Variants in RBL1 observed in about 807,000 individuals in gnomAD.
RBL1 encodes the protein RB transcriptional corepressor like 1.
In RBL1, 82 loss-of-function variants were observed where a neutral mutation model predicts 123.0. The observed-to-expected ratio is 0.67, with a 90% confidence interval of 0.56 to 0.80. The LOEUF is 0.80. Ranked by LOEUF, RBL1 falls within the 30% of genes least tolerant of loss-of-function variation. The probability of loss-of-function intolerance (pLI) is 0.00; values close to 1 mark genes in which losing one functional copy is unlikely to be tolerated. For synonymous variants in RBL1, 405 were observed against 441.3 expected (o/e 0.92, Z 1.03); for missense variants, 1,171 against 1,299.6 (o/e 0.90, Z 1.52).
intron 9 of RBL1, among the ~76,000 whole-genome samples, chr20:37,060,166 C>CTGTCTCAA (rs1015451731): frequency 1.2e-4 from 17 of 143,992 alleles, no homozygotes; most frequent in Non-Finnish European, 2.0e-4. Context: ...GAGTGAAACT[C>CTGTCTCAA]TGTCTCAAAA....
intron 21 of RBL1, among the ~76,000 whole-genome samples, chr20:37,000,016 T>C (rs1030762673): frequency 1.3e-5 from 2 of 151,118 alleles, no homozygotes; most frequent in Non-Finnish European, 2.9e-5. Flanking sequence ...GGAGTGTCTC[T>C]GCCCGGCCGC....
chr20:37,017,432 A>G (rs2064273296), intron 19 of RBL1, among the ~76,000 whole-genome samples: 1 of 152,010 alleles, frequency 6.6e-6, no homozygotes, highest in Non-Finnish European at 1.5e-5. Context: ...AAATACATGG[A>G]AAGATGAGAC....
intron 2 of RBL1, among the ~76,000 whole-genome samples, chr20:37,069,528 C>T (rs1392117252): frequency 5.3e-5 from 8 of 151,646 alleles, no homozygotes; most frequent in Admixed American, 2.6e-4. Context: ...TGCCCGGCTG[C>T]GACCCCGTCT....
chr20:36,997,371 C>G lies in RBL1; in HGVS notation c.*1388G>C, dbSNP rs1172591820. On this transcript the variant is annotated 3_prime_UTR_variant, in exon 22 of 22. Coordinates refer to ENST00000373664, the MANE Select transcript of RBL1 (RefSeq NM_002895.5). ...AAGCATCCCTAATACTGAAAAGCAT[C>G]CCTAGTACTAAAAAACATCTTCAGG... 1 of 152,102 alleles carries G rather than the reference C, an allele frequency of 6.6e-6. No individual in the cohort carries two copies. The highest frequency in any genetic ancestry group is 1.9e-4 in the East Asian group (1 of 5,202). The allele number at this position is 152,102 out of a possible 1,614,324, so 9.4% of individuals were successfully genotyped here.
At chr20:37,063,172 G>T (rs950403751) in intron 7 of RBL1, among the ~76,000 whole-genome samples, 2 of 152,122 alleles carry the variant, frequency 1.3e-5, no homozygotes, top group Non-Finnish European at 2.9e-5. Flanking sequence ...CTACCTCCCA[G>T]GTTTAAGCAA....
In RBL1 at chr20:37,090,281, C is replaced by T. The variant is rs139771857; in HGVS notation, c.157-1159G>A. Reference sequence around the variant, plus strand: ...CACTATCTAGGTTTGCATAAGTATACTCTGTGAAGTTCACACAACAAAATC... The same window carrying T: ...CACTATCTAGGTTTGCATAAGTATATTCTGTGAAGTTCACACAACAAAATC... On this transcript the variant is annotated intron_variant, in intron 1 of 21. Transcript: ENST00000373664. Among the ~76,000 whole-genome samples, 8 of 152,260 alleles carry T rather than the reference C, an allele frequency of 5.3e-5. No individual in the cohort carries two copies. In the East Asian group the frequency reaches 1.5e-3, roughly 29 times the overall value.
intron 2 of RBL1, among the ~76,000 whole-genome samples, chr20:37,068,577 A>T (rs1352336462): frequency 6.6e-6 from 1 of 152,134 alleles, no homozygotes; most frequent in Non-Finnish European, 1.5e-5. Flanking sequence ...TCCCAGGATC[A>T]CCAGGGGAAT....
chr20:37,042,907 C>A (rs868456477), intron 13 of RBL1, among the ~76,000 whole-genome samples: 15,422 of 53,064 alleles, frequency 0.29, 3,483 homozygotes, highest in African/African-American at 0.47. Flanking sequence ...CCCCCCCCTC[C>A]AAAAAAAAAA....
chr20:37,002,983 C>T lies in RBL1; in HGVS notation c.3036+719G>A, dbSNP rs554940243. Among the ~76,000 whole-genome samples the T allele has an allele frequency of 3.3e-5, 5 of 152,304 alleles. No homozygotes were observed. The East Asian group carries it at 9.6e-4, about 29-fold the overall frequency. The stretch of plus-strand genomic sequence containing the variant: ...AGGCAATCTGCCCGCCTTGGCCTCC[C>T]AAAGTGCTAGGATTACAGGCTTGAG... On this transcript the variant is annotated intron_variant, in intron 21 of 21. Transcript: ENST00000373664.
chr20:37,074,851 A>G (rs549454329), intron 2 of RBL1, among the ~76,000 whole-genome samples: 140 of 152,284 alleles, frequency 9.2e-4, no homozygotes, highest in African/African-American at 3.3e-3. Flanking sequence ...TAGAATCACC[A>G]TATGACTCAG....
intron 20 of RBL1, among the ~76,000 whole-genome samples, chr20:37,006,818 GTGA>G (rs2064080698): frequency 6.9e-6 from 1 of 145,148 alleles, no homozygotes; most frequent in Non-Finnish European, 1.5e-5. Flanking sequence ...GCCAGCCTGG[GTGA>G]CAGGGTGAGA....
chr20:37,015,467 G>T (rs2064234568), intron 19 of RBL1, among the ~76,000 whole-genome samples: 1 of 151,428 alleles, frequency 6.6e-6, no homozygotes, highest in Admixed American at 6.6e-5. Context: ...GTCTCACTCT[G>T]TCGCCCAGGG....
chr20:37,021,448 C>CT (rs879272660), intron 17 of RBL1, among the ~76,000 whole-genome samples: 1,744 of 143,142 alleles, frequency 0.012, 25 homozygotes, highest in African/African-American at 0.038. Context: ...TTTTTTAATT[C>CT]TTTTTTTTTT....
chr20:37,065,340 T>C (rs771944609), intron 7 of RBL1, 84 bp downstream of exon 7: 3 of 1,018,570 alleles, frequency 2.9e-6, no homozygotes, highest in South Asian at 3.4e-5. Context: ...TACTTTGATA[T>C]ACTGTTATGC....
intron 19 of RBL1, among the ~76,000 whole-genome samples, chr20:37,007,933 T>C (rs563286219): frequency 6.6e-6 from 1 of 152,270 alleles, no homozygotes; most frequent in African/African-American, 2.4e-5. Context: ...TTAAATGACC[T>C]TTCTACAATA....
At chr20:37,033,021 T>A in intron 15 of RBL1, 145 bp from the exon 16 acceptor site, 2 of 764,800 alleles carry the variant, frequency 2.6e-6, no homozygotes, top group Non-Finnish European at 3.4e-6. Flanking sequence ...CTGAATTCTT[T>A]TTTTTTTTTT....
intron 2 of RBL1, among the ~76,000 whole-genome samples, chr20:37,075,755 T>A (rs566200542): frequency 2.0e-5 from 3 of 152,246 alleles, no homozygotes; most frequent in African/African-American, 7.2e-5. Context: ...TGCACCGGCC[T>A]AATTTGTTCA....
In RBL1 at chr20:37,061,175, CTT is replaced by C. The variant is rs1568868356; in HGVS notation, c.1176_1177del (p.Ser393CysfsTer17). Reference sequence around the variant, plus strand: ...CACAATACTCTGTAACCGGCTCACACTTTGGGTGGCTGATGCAACAGGAGTAA... The same window carrying C: ...CACAATACTCTGTAACCGGCTCACACTGGGTGGCTGATGCAACAGGAGTAA... On this transcript the variant is annotated frameshift_variant, in exon 9 of 22. Coordinates refer to ENST00000373664, the MANE Select transcript of RBL1 (RefSeq NM_002895.5). LOFTEE classifies it high-confidence loss of function. 1 of 1,613,992 alleles carries C rather than the reference CTT, an allele frequency of 6.2e-7. No individual in the cohort carries two copies. The highest frequency in any genetic ancestry group is 2.2e-5 in the East Asian group (1 of 44,880).
chr20:37,005,208 A>T (rs901601111), intron 20 of RBL1, among the ~76,000 whole-genome samples: 2 of 152,010 alleles, frequency 1.3e-5, no homozygotes, highest in Non-Finnish European at 2.9e-5. Flanking sequence ...GGAGTTCAAG[A>T]CCAGCCTGGC....
Sources: gnomAD v4.1 joint callset for allele counts (sites outside exome capture counted in the v4.1 genomes callset) on GRCh38, gnomAD v4.1.1 for gene constraint, MANE v1.5 for transcripts, NCBI Gene and HGNC (gene_info 2026-07-23, HGNC 2026-07-21) for gene names.